Variants in PCLO observed in about 807,000 individuals in gnomAD.
The protein encoded by PCLO is protein piccolo.
In PCLO, 82 loss-of-function variants were observed where a neutral mutation model predicts 427.5. The ratio of observed to expected loss-of-function variants is 0.19; its 90% CI spans 0.16 to 0.23. The LOEUF (loss-of-function observed/expected upper bound fraction) is 0.23, where lower values mean the gene tolerates loss of function less well. PCLO is among the 10% of genes least tolerant of loss of function. PCLO has a pLI of 1.00. For missense variants in PCLO, 6,239 were observed against 6,115.9 expected (o/e 1.02, Z -0.67); for synonymous variants, 2,357 against 2,155.4 (o/e 1.09, Z -2.59).
At chr7:82,781,446 T>G (rs1790870454) in intron 22 of PCLO, among the ~76,000 whole-genome samples, 1 of 151,080 alleles carries the variant, frequency 6.6e-6, no homozygotes, top group Admixed American at 6.6e-5. Context: ...TTGCCTCCCT[T>G]TGCCCCCCCA....
At chr7:83,110,154 T>C (rs1013158999) in intron 3 of PCLO, among the ~76,000 whole-genome samples, 2 of 151,556 alleles carry the variant, frequency 1.3e-5, no homozygotes, top group Non-Finnish European at 2.9e-5. Flanking sequence ...TCATGTCTAT[T>C]GCTGTAAATG....
intron 10 of PCLO, among the ~76,000 whole-genome samples, chr7:82,856,291 C>T (rs1195800625): frequency 6.6e-6 from 1 of 152,122 alleles, no homozygotes; most frequent in Non-Finnish European, 1.5e-5. Context: ...ATGACTGTTG[C>T]AAAGATATGC....
intron 6 of PCLO, among the ~76,000 whole-genome samples, chr7:82,939,933 AGATG>A (rs77570162): frequency 0.069 from 10,480 of 152,030 alleles, 453 homozygotes; most frequent in East Asian, 0.19. Context: ...TTTGGTTAAA[AGATG>A]GTAAATTAAA....
intron 19 of PCLO, among the ~76,000 whole-genome samples, chr7:82,823,537 G>T (rs1030328573): frequency 2.0e-5 from 3 of 152,148 alleles, no homozygotes; most frequent in Non-Finnish European, 4.4e-5. Flanking sequence ...TTATGATGAG[G>T]ATTAATGTTG....
At chr7:82,965,740 G>T in intron 4 of PCLO, 31 bp downstream of exon 4, 2 of 1,408,994 alleles carry the variant, frequency 1.4e-6, no homozygotes, top group South Asian at 1.3e-5. Context: ...TCACACATGA[G>T]AGTGTGAGAA....
intron 9 of PCLO, among the ~76,000 whole-genome samples, chr7:82,896,067 T>C (rs879187431): frequency 1.3e-5 from 2 of 151,998 alleles, no homozygotes; most frequent in African/African-American, 2.4e-5. Flanking sequence ...AAGTAAATCA[T>C]GAAAAATTGC....
chr7:82,887,789 A>T (rs921318663), intron 9 of PCLO, among the ~76,000 whole-genome samples: 1 of 151,932 alleles, frequency 6.6e-6, no homozygotes, highest in Non-Finnish European at 1.5e-5. Flanking sequence ...TGCTCAATAT[A>T]TTCCTAAGCA....
At chr7:82,926,988 T>C (rs919963583) in intron 6 of PCLO, among the ~76,000 whole-genome samples, 13 of 152,186 alleles carry the variant, frequency 8.5e-5, no homozygotes, top group Admixed American at 5.2e-4. Flanking sequence ...CCTGTTCATA[T>C]GGTTCCTGAA....
At chr7:82,891,250 C>A (rs1367275254) in intron 9 of PCLO, among the ~76,000 whole-genome samples, 4 of 152,020 alleles carry the variant, frequency 2.6e-5, no homozygotes, top group Non-Finnish European at 1.5e-5. Flanking sequence ...TTTTTAAAAG[C>A]TGTTCTTAAT....
At chr7:83,123,122 G>GA (rs1232334121) in intron 3 of PCLO, among the ~76,000 whole-genome samples, 2 of 151,866 alleles carry the variant, frequency 1.3e-5, no homozygotes, top group Non-Finnish European at 2.9e-5. Context: ...CACAGAAATA[G>GA]AAAAAAAATT....
At chr7:82,906,722 G>A (rs989122357) in intron 8 of PCLO, among the ~76,000 whole-genome samples, 1 of 151,806 alleles carries the variant, frequency 6.6e-6, no homozygotes, top group African/African-American at 2.4e-5. Context: ...CCTGTGTGGC[G>A]GTTTCATGGC....
chr7:82,915,317 G>A lies in PCLO; in HGVS notation c.12669C>T (p.Ser4223=), dbSNP rs1178914954. The change falls in exon 7 of 25, where the codon AGC becomes AGT. Residue 4223 remains serine (S), a synonymous_variant. Coordinates refer to ENST00000333891, the MANE Select transcript of PCLO (RefSeq NM_033026.6). Reference sequence around the variant, plus strand: ...AGGAAATGCCACCAATAGATGAAGTGCTAGAAGTCATATAGCTTGAATAAT... The same window carrying A: ...AGGAAATGCCACCAATAGATGAAGTACTAGAAGTCATATAGCTTGAATAAT... ...EPDYSSYMTS[S]TSSIGGISSR... The A allele has an allele frequency of 5.0e-6, 8 of 1,613,612 alleles. No individual in the cohort carries two copies. Among genetic ancestry groups the A allele is most frequent in the South Asian group, 1.1e-5 (1 of 91,086 alleles).
chr7:82,890,277 A>G (rs1297563957), intron 9 of PCLO, among the ~76,000 whole-genome samples: 1 of 152,060 alleles, frequency 6.6e-6, no homozygotes, highest in Non-Finnish European at 1.5e-5. Context: ...AACAAAGAGA[A>G]GCATTGCAAA....
intron 3 of PCLO, among the ~76,000 whole-genome samples, chr7:83,098,874 T>C (rs1048051079): frequency 6.6e-6 from 1 of 152,058 alleles, no homozygotes; most frequent in Non-Finnish European, 1.5e-5. Context: ...TGAGCTAGAC[T>C]AGTTGGCAAC....
intron 3 of PCLO, among the ~76,000 whole-genome samples, chr7:83,107,713 A>ATAAAAAGAAAGAGCTGGCCG (rs141451890): frequency 7.9e-6 from 1 of 126,868 alleles, no homozygotes; most frequent in Admixed American, 7.5e-5. Flanking sequence ...AGAAGAGAAT[A>ATAAAAAGAAAGAGCTGGCCG]TGTGCGGTGG....
chr7:83,157,383 A>G (rs1044853270), intron 1 of PCLO, among the ~76,000 whole-genome samples: 1 of 152,152 alleles, frequency 6.6e-6, no homozygotes, highest in Non-Finnish European at 1.5e-5. Context: ...CATATATCTT[A>G]CTTAGTGTTT....
chr7:82,967,202 T>G (rs538781544), intron 3 of PCLO, among the ~76,000 whole-genome samples: 1 of 132,456 alleles, frequency 7.5e-6, no homozygotes, highest in Admixed American at 7.0e-5. Flanking sequence ...CTTTTCTTTT[T>G]TTTTTTTTTT....
chr7:83,135,277 T>C lies in PCLO; in HGVS notation c.2273A>G (p.Lys758Arg), dbSNP rs554528863. 2.4e-5 allele frequency: 38 copies of C among 1,613,932 alleles called. No homozygotes were observed. In the African/African-American group the frequency reaches 4.3e-4, roughly 18 times the overall value. ...AAGGTCAGTGGTTGGCTTTACCATC[T>C]TGGGCTGCTTTGGTTTATCATCAGC... ...PVADDKPKQPKMVKPTTDLVS... is the reference protein window; with the variant it reads ...PVADDKPKQPRMVKPTTDLVS... Residue 758 changes from lysine (K) to arginine (R), a missense_variant, in exon 3 of 25, where the codon AAG becomes AGG. Lys to Arg is a conservative substitution (Grantham distance 26). Transcript: ENST00000333891.
chr7:83,144,534 C>A (rs1791944994), intron 2 of PCLO, among the ~76,000 whole-genome samples: 1 of 152,138 alleles, frequency 6.6e-6, no homozygotes, highest in African/African-American at 2.4e-5. Flanking sequence ...ATGCTCCTTA[C>A]AACTGTCAAT....
Sources: gnomAD v4.1 joint callset for allele counts (sites outside exome capture counted in the v4.1 genomes callset) on GRCh38, gnomAD v4.1.1 for gene constraint, MANE v1.5 for transcripts, NCBI Gene and HGNC (gene_info 2026-07-23, HGNC 2026-07-21) for gene names.